RAP1A: variants seen among roughly 807,000 people sequenced by gnomAD.
RAP1A encodes the protein RAP1A, member of RAS oncogene family, also known as ras-related protein Rap-1A.
A neutral mutation model predicts 26.4 loss-of-function variants in RAP1A; 6 were observed. The ratio of observed to expected loss-of-function variants is 0.23; its 90% CI spans 0.12 to 0.45. RAP1A has a LOEUF of 0.45. RAP1A is among the 20% of genes least tolerant of loss of function. The pLI is 0.99. For synonymous variants in RAP1A, 73 were observed against 79.4 expected (o/e 0.92, Z 0.43); for missense variants, 121 against 217.2 (o/e 0.56, Z 2.78).
intron 1 of RAP1A, among the ~76,000 whole-genome samples, chr1:111,624,459 C>T (rs369267799): frequency 6.6e-6 from 1 of 152,152 alleles, no homozygotes; most frequent in Non-Finnish European, 1.5e-5. Context: ...CTGCATAATT[C>T]ACATTCTCTC....
At chr1:111,583,876 C>CTT (rs71099920) in intron 1 of RAP1A, among the ~76,000 whole-genome samples, 97 of 90,072 alleles carry the variant, frequency 1.1e-3, no homozygotes, top group African/African-American at 2.7e-3. Flanking sequence ...ATTGTTATTT[C>CTT]TTTTTTTTTT....
At position 111,657,021 on chromosome 1, in the gene RAP1A, A is replaced by G. The variant is rs538481268; in HGVS notation, c.-27-34313A>G. On this transcript the variant is annotated intron_variant, in intron 1 of 7. Transcript: ENST00000369709. ...TCCCCATCCCCCTTCTCCGCCCCCA[A>G]CAACCACCATTCTATTTTCTGTCTC... Among the ~76,000 whole-genome samples, 4 of 151,010 alleles carry G rather than the reference A, an allele frequency of 2.6e-5. No individual in the cohort carries two copies. The South Asian group carries it at 6.3e-4, about 24-fold the overall frequency.
At chr1:111,627,665 A>G (rs1010698080) in intron 1 of RAP1A, 5 of 152,058 alleles carry the variant, frequency 3.3e-5, no homozygotes, top group African/African-American at 9.7e-5. Context: ...AAACCATCAT[A>G]GTGTATGAAA....
intron 1 of RAP1A, among the ~76,000 whole-genome samples, chr1:111,646,916 C>A (rs780074594): frequency 2.6e-5 from 4 of 152,072 alleles, no homozygotes; most frequent in Non-Finnish European, 5.9e-5. Flanking sequence ...TTTTTGTTAC[C>A]CAAGATAACA....
At chr1:111,638,943 A>G (rs1049031419) in intron 1 of RAP1A, among the ~76,000 whole-genome samples, 11 of 152,068 alleles carry the variant, frequency 7.2e-5, no homozygotes, top group Admixed American at 1.3e-4. Flanking sequence ...TTTTAGGTCC[A>G]GGCAGTAATT....
At chr1:111,579,915 G>A (rs760240943) in intron 1 of RAP1A, among the ~76,000 whole-genome samples, 2 of 151,902 alleles carry the variant, frequency 1.3e-5, no homozygotes, top group Non-Finnish European at 1.5e-5. Flanking sequence ...TCAGCCTCCC[G>A]AGTAGCTGGG....
intron 1 of RAP1A, among the ~76,000 whole-genome samples, chr1:111,630,771 A>G (rs1659544817): frequency 6.6e-6 from 1 of 152,202 alleles, no homozygotes; most frequent in Non-Finnish European, 1.5e-5. Context: ...GGAAGAACAA[A>G]AAGACCCTTG....
chr1:111,697,555 TGAGTAGGTTTTGTCATCC>T lies in RAP1A; in HGVS notation c.183+59_183+76del, dbSNP rs1282868413. On this transcript the variant is annotated intron_variant, in intron 4 of 7. Transcript: ENST00000369709. ...TAATTTGTGAGCAGGTTTTGTCATCTGAGTAGGTTTTGTCATCCAGATAATTCTGAGTAAAAGTAATCA... is the reference window on the plus strand; with the variant it reads ...TAATTTGTGAGCAGGTTTTGTCATCTAGATAATTCTGAGTAAAAGTAATCA... 15 of 1,599,166 alleles carry T rather than the reference TGAGTAGGTTTTGTCATCC, an allele frequency of 9.4e-6. No homozygotes were observed. In the Admixed American group the frequency reaches 1.2e-4, roughly 13 times the overall value.
chr1:111,550,823 A>G (rs999005451), intron 1 of RAP1A, among the ~76,000 whole-genome samples: 1 of 152,242 alleles, frequency 6.6e-6, no homozygotes, highest in African/African-American at 2.4e-5. Flanking sequence ...GTCAGAGAAC[A>G]TATTTTATGT....
intron 1 of RAP1A, chr1:111,608,675 G>T: frequency 6.0e-6 from 1 of 166,550 alleles, no homozygotes; most frequent in Non-Finnish European, 1.3e-5. Context: ...GAGGCTGGCG[G>T]ATCACTCGCG....
chr1:111,621,354 A>G (rs1019010313), intron 1 of RAP1A, among the ~76,000 whole-genome samples: 3 of 152,232 alleles, frequency 2.0e-5, no homozygotes, highest in Admixed American at 1.3e-4. Flanking sequence ...TAAGCATTAA[A>G]TTAGGCCCCA....
chr1:111,622,048 G>A (rs1659226876), intron 1 of RAP1A, among the ~76,000 whole-genome samples: 1 of 152,138 alleles, frequency 6.6e-6, no homozygotes. Context: ...TTAATAGATG[G>A]GAAGAAAAGG....
At chr1:111,689,140 AT>A (rs1305389294) in intron 1 of RAP1A, among the ~76,000 whole-genome samples, 1 of 152,070 alleles carries the variant, frequency 6.6e-6, no homozygotes, top group Non-Finnish European at 1.5e-5. Context: ...CTGGCCAGAT[AT>A]ATCAGTTTTA....
At chr1:111,574,484 T>C (rs1447612438) in intron 1 of RAP1A, among the ~76,000 whole-genome samples, 1 of 152,206 alleles carries the variant, frequency 6.6e-6, no homozygotes, top group Non-Finnish European at 1.5e-5. Context: ...TTTCTCTAGT[T>C]CTGTGAAGAA....
chr1:111,715,522 T>C lies in RAP1A; in HGVS notation c.*3121T>C, dbSNP rs1311168236. The C allele has an allele frequency of 1.3e-5, 2 of 152,232 alleles. No individual in the cohort carries two copies. Among genetic ancestry groups the C allele is most frequent in the Non-Finnish European group, 2.9e-5 (2 of 68,040 alleles). The allele number at this position is 152,232 out of a possible 1,614,324, so 9.4% of individuals were successfully genotyped here. A position where few individuals can be genotyped will look rare whatever the true frequency, so the allele number is the denominator to read the frequency against. ...AAGATACTACAGTTCATCAAAGATA[T>C]GAATAACACCCTAGTTTTCTGAACT... On this transcript the variant is annotated 3_prime_UTR_variant, in exon 8 of 8. Transcript: ENST00000369709.
intron 1 of RAP1A, among the ~76,000 whole-genome samples, chr1:111,545,437 G>C (rs1397806398): frequency 6.6e-6 from 1 of 151,982 alleles, no homozygotes; most frequent in Admixed American, 6.6e-5. Flanking sequence ...AGAAATATCT[G>C]TTCGAGTCCT....
intron 4 of RAP1A, 135 bp downstream of exon 4, chr1:111,697,632 A>G (rs1173473877): frequency 1.5e-5 from 22 of 1,457,858 alleles, no homozygotes; most frequent in Non-Finnish European, 2.0e-5. Flanking sequence ...GAACATAGGG[A>G]TTCTTAAGTA....
chr1:111,641,189 G>A (rs1659880142), intron 1 of RAP1A, among the ~76,000 whole-genome samples: 1 of 152,072 alleles, frequency 6.6e-6, no homozygotes. Flanking sequence ...TTGTTTTTAA[G>A]TCTTCAGGTG....
intron 1 of RAP1A, among the ~76,000 whole-genome samples, chr1:111,574,515 G>A (rs79566449): frequency 0.011 from 1,714 of 152,256 alleles, 22 homozygotes; most frequent in African/African-American, 0.04. Context: ...AGTTTGATAC[G>A]AATAGCACTG....
Sources: allele counts gnomAD v4.1 joint callset (sites outside exome capture counted in the v4.1 genomes callset), GRCh38; gene constraint gnomAD v4.1.1; transcripts MANE v1.5; gene names NCBI Gene and HGNC (gene_info 2026-07-23, HGNC 2026-07-21).